ANKRD44: variants seen among roughly 807,000 people sequenced by gnomAD.
ANKRD44 encodes serine/threonine-protein phosphatase 6 regulatory ankyrin repeat subunit B.
Under a neutral mutation model 116.0 loss-of-function variants are expected in ANKRD44, and 35 were observed. That is an observed-to-expected ratio of 0.30 (90% CI 0.23 to 0.40). The LOEUF is 0.40. Among genes scored for constraint, ANKRD44 ranks in the 10% least tolerant of loss-of-function variants. The probability of loss-of-function intolerance (pLI) is 1.00; values close to 1 mark genes in which losing one functional copy is unlikely to be tolerated. For synonymous variants in ANKRD44, 435 were observed against 461.8 expected, an observed-to-expected ratio of 0.94 and a Z score of 0.74; for missense variants, 1,014 against 1,242.6, an observed-to-expected ratio of 0.82 and a Z score of 2.77.
At position 197,083,795 on chromosome 2, in the gene ANKRD44, C is replaced by A. The variant is rs368731998; in HGVS notation, c.1317-286G>T. Among the ~76,000 whole-genome samples, 169 of 152,298 alleles carry A rather than the reference C, an allele frequency of 1.1e-3. 3 individuals carry two copies. Among genetic ancestry groups the A allele is most frequent in the African/African-American group, 3.7e-3 (155 of 41,570 alleles). ...TCGAACATTTTGTCAGTGTCCCAAA[C>A]GTTGCAGATTTTGGAGCATTTCAGA... On this transcript the variant is annotated intron_variant, in intron 13 of 27. Transcript: ENST00000282272.
chr2:197,090,824 T>C (rs1230523053), intron 10 of ANKRD44, among the ~76,000 whole-genome samples: 1 of 152,204 alleles, frequency 6.6e-6, no homozygotes, highest in Non-Finnish European at 1.5e-5. Flanking sequence ...GAGAGACAGT[T>C]TGATGGCATA....
chr2:197,052,922 C>A (rs2077136886), intron 16 of ANKRD44, among the ~76,000 whole-genome samples: 1 of 152,138 alleles, frequency 6.6e-6, no homozygotes, highest in African/African-American at 2.4e-5. Context: ...CTAATCCCAG[C>A]ACTTTGGGAG....
chr2:197,160,189 CA>C (rs1319373553), intron 2 of ANKRD44, among the ~76,000 whole-genome samples: 2 of 152,150 alleles, frequency 1.3e-5, no homozygotes, highest in Non-Finnish European at 2.9e-5. Context: ...GTAAATAAAT[CA>C]ACCTGATTAC....
chr2:197,121,659 A>G, intron 7 of ANKRD44, 115 bp from the exon 8 acceptor site: 1 of 878,018 alleles, frequency 1.1e-6, no homozygotes, highest in South Asian at 1.6e-5. Context: ...CGCCAATATA[A>G]TTGTTCAGAG....
chr2:197,187,779 G>A (rs1340437469), intron 1 of ANKRD44, among the ~76,000 whole-genome samples: 1 of 152,076 alleles, frequency 6.6e-6, no homozygotes, highest in Non-Finnish European at 1.5e-5. Flanking sequence ...AGGAAGAGAG[G>A]CCTCACCAGA....
At chr2:197,253,685 T>C (rs2082374008) in intron 1 of ANKRD44, among the ~76,000 whole-genome samples, 1 of 152,226 alleles carries the variant, frequency 6.6e-6, no homozygotes, top group Admixed American at 6.5e-5. Context: ...CATGTAGGTG[T>C]TTAAATCACA....
chr2:197,234,986 T>A (rs1056739964), intron 1 of ANKRD44, among the ~76,000 whole-genome samples: 2 of 152,216 alleles, frequency 1.3e-5, no homozygotes, highest in African/African-American at 4.8e-5. Context: ...TACACCCTTA[T>A]TCAGTGTTAA....
chr2:197,105,503 A>G (rs1319406101), intron 9 of ANKRD44, among the ~76,000 whole-genome samples: 1 of 152,240 alleles, frequency 6.6e-6, no homozygotes, highest in African/African-American at 2.4e-5. Flanking sequence ...TTAAATACAT[A>G]GAAAAATCCA....
chr2:197,310,639 C>A lies in ANKRD44; in HGVS notation c.-35G>T. On this transcript the variant is annotated 5_prime_UTR_variant, in exon 1 of 28. Transcript: ENST00000282272. ...CCTTCGCGCGCACACACATGCAGGT[C>A]CCCGGCCCGCAGATGTCACGCCGGG... The A allele has an allele frequency of 7.5e-7, 1 of 1,335,142 alleles. No individual in the cohort carries two copies. Among genetic ancestry groups the A allele is most frequent in the Non-Finnish European group, 9.8e-7 (1 of 1,019,226 alleles). The allele number at this position is 1,335,142 out of a possible 1,614,324, so 82.7% of individuals were successfully genotyped here.
intron 8 of ANKRD44, among the ~76,000 whole-genome samples, chr2:197,112,896 A>T (rs951234087): frequency 1.3e-5 from 2 of 152,092 alleles, no homozygotes; most frequent in African/African-American, 4.8e-5. Context: ...ATTATATTCT[A>T]TAAGTCTATT....
downstream of ANKRD44, among the ~76,000 whole-genome samples, chr2:196,985,952 G>T (rs1410142847): frequency 6.6e-6 from 1 of 152,284 alleles, no homozygotes; most frequent in South Asian, 2.1e-4. Context: ...AAGGGTAATG[G>T]TGACAATACC....
chr2:197,164,740 C>T (rs1385342895), intron 2 of ANKRD44, among the ~76,000 whole-genome samples: 4 of 152,246 alleles, frequency 2.6e-5, no homozygotes, highest in Non-Finnish European at 4.4e-5. Flanking sequence ...CAGCCCAACC[C>T]TCAGCCTCCT....
At chr2:197,282,560 G>T (rs558237441) in intron 1 of ANKRD44, among the ~76,000 whole-genome samples, 22 of 152,214 alleles carry the variant, frequency 1.4e-4, no homozygotes, top group African/African-American at 5.3e-4. Context: ...GGCCACCCTG[G>T]GATGTTGAGA....
At chr2:197,041,128 A>C (rs1386185016) in intron 16 of ANKRD44, among the ~76,000 whole-genome samples, 2 of 152,210 alleles carry the variant, frequency 1.3e-5, no homozygotes, top group Non-Finnish European at 1.5e-5. Context: ...GAATTTAAGA[A>C]GGTGCCTTTC....
At chr2:197,260,261 G>A (rs1476357229) in intron 1 of ANKRD44, among the ~76,000 whole-genome samples, 5 of 152,100 alleles carry the variant, frequency 3.3e-5, no homozygotes, top group Non-Finnish European at 2.9e-5. Flanking sequence ...AGTCCCCGGT[G>A]TGTGATGTTC....
In ANKRD44 at chr2:196,989,509, T is replaced by TACAC. The variant is rs35158331; in HGVS notation, c.*78_*81dup. ...CCTCATGTGTAGCTGGCTGATGAAC[T>TACAC]ACACACACACACACATATATATATA... is the stretch of plus-strand genomic sequence containing the variant. On this transcript the variant is annotated 3_prime_UTR_variant, in exon 28 of 28. Transcript: ENST00000282272. 794 of 1,248,520 alleles carry TACAC rather than the reference T, an allele frequency of 6.4e-4. 1 individual carries two copies. Among genetic ancestry groups the TACAC allele is most frequent in the Admixed American group, 3.3e-3 (97 of 29,650 alleles). 77.3% of individuals were successfully genotyped at this position (1,248,520 alleles called of 1,614,324 possible).
At chr2:197,110,399 C>G (rs897519048) in intron 9 of ANKRD44, among the ~76,000 whole-genome samples, 1 of 152,264 alleles carries the variant, frequency 6.6e-6, no homozygotes. Flanking sequence ...TTATAGTGAA[C>G]TCTAAAATTT....
intron 27 of ANKRD44, chr2:196,990,216 T>A: frequency 8.1e-6 from 8 of 986,308 alleles, no homozygotes; most frequent in Non-Finnish European, 9.6e-6. Context: ...CTTTGGCTTC[T>A]AGTGAGGAAG....
At chr2:197,264,220 G>A (rs748221827) in intron 1 of ANKRD44, among the ~76,000 whole-genome samples, 4 of 152,230 alleles carry the variant, frequency 2.6e-5, no homozygotes, top group Admixed American at 1.3e-4. Context: ...ATGTGGTAGA[G>A]ATGGCATAGT....
Sources: allele counts gnomAD v4.1 joint callset (sites outside exome capture counted in the v4.1 genomes callset), GRCh38; gene constraint gnomAD v4.1.1; transcripts MANE v1.5; gene names NCBI Gene and HGNC (gene_info 2026-07-23, HGNC 2026-07-21).